Variants in CECR2 observed in about 807,000 individuals in gnomAD.
CECR2 encodes the protein chromatin remodeling regulator CECR2.
Under a neutral mutation model 154.5 loss-of-function variants are expected in CECR2, and 30 were observed. The observed-to-expected ratio is 0.19, with a 90% CI of 0.15 to 0.26. CECR2 has a LOEUF of 0.26. Among genes scored for constraint, CECR2 ranks in the 10% least tolerant of loss-of-function variants. The probability of loss-of-function intolerance (pLI) is 1.00; values close to 1 mark genes in which losing one functional copy is unlikely to be tolerated. For missense variants in CECR2, 1,743 were observed against 1,829.3 expected, an observed-to-expected ratio of 0.95 and a Z score of 0.86; for synonymous variants, 725 against 683.7, an observed-to-expected ratio of 1.06 and a Z score of -0.94.
At chr22:17,405,804 TAAATAA>T (rs1405323235) in intron 1 of CECR2, among the ~76,000 whole-genome samples, 2 of 152,180 alleles carry the variant, frequency 1.3e-5, no homozygotes, top group African/African-American at 4.8e-5. Flanking sequence ...ATGTTGTCTG[TAAATAA>T]AAATAGTTTT....
intron 1 of CECR2, among the ~76,000 whole-genome samples, chr22:17,467,438 ACTTCCCGAGCAG>A: frequency 6.6e-6 from 1 of 152,284 alleles, no homozygotes; most frequent in South Asian, 2.1e-4. Context: ...TCCAGTGCTT[ACTTCCCGAGCAG>A]ATTCCTCAAT....
At chr22:17,459,716 G>A (rs1466504570) in intron 1 of CECR2, among the ~76,000 whole-genome samples, 3 of 152,308 alleles carry the variant, frequency 2.0e-5, no homozygotes, top group African/African-American at 7.2e-5. Context: ...TAGCCACTTT[G>A]CAAACTCCTG....
intron 16 of CECR2, among the ~76,000 whole-genome samples, chr22:17,546,564 C>T (rs955504039): frequency 4.6e-5 from 7 of 150,910 alleles, no homozygotes; most frequent in Non-Finnish European, 1.0e-4. Flanking sequence ...ATGAAAAGTA[C>T]GGTTTTTCAC....
chr22:17,538,878 G>C, intron 12 of CECR2, 115 bp from the exon 13 acceptor site: 1 of 1,372,802 alleles, frequency 7.3e-7, no homozygotes, highest in Non-Finnish European at 1.0e-6. Context: ...CGTTTTATCT[G>C]TTATTCATTA....
At chr22:17,365,646 A>G (rs1253450827), upstream of CECR2, among the ~76,000 whole-genome samples, 1 of 152,146 alleles carries the variant, frequency 6.6e-6, no homozygotes, top group African/African-American at 2.4e-5. Context: ...CAGTGAGCCA[A>G]GATGGCACCA....
intron 8 of CECR2, among the ~76,000 whole-genome samples, chr22:17,512,383 A>G (rs1480466932): frequency 6.6e-6 from 1 of 152,016 alleles, no homozygotes; most frequent in Non-Finnish European, 1.5e-5. Context: ...ATATAAAATG[A>G]TATAAATATA....
rs184099234 is a variant in CECR2 at position 17,533,802 on chromosome 22, C to T, written c.1109-3301C>T. ...TGTGATCTCGGCTCACCGCAACCTC[C>T]GCCTCTGGGGTTCAAGCAATTCTCC... On this transcript the variant is annotated intron_variant, in intron 9 of 18. Coordinates refer to ENST00000262608, the MANE Select transcript of CECR2 (RefSeq NM_001290047.2). 1.1e-3 allele frequency among the ~76,000 whole-genome samples: 171 copies of T among 150,576 alleles called. 3 individuals carry two copies. Among genetic ancestry groups the T allele is most frequent in the African/African-American group, 4.0e-3 (163 of 41,008 alleles).
intron 8 of CECR2, among the ~76,000 whole-genome samples, chr22:17,513,212 C>T (rs2055991101): frequency 6.6e-6 from 1 of 152,180 alleles, no homozygotes; most frequent in Non-Finnish European, 1.5e-5. Flanking sequence ...ATTACTTTAT[C>T]ACATCACATC....
At chr22:17,509,793 T>C (rs938434078) in intron 7 of CECR2, among the ~76,000 whole-genome samples, 1 of 152,136 alleles carries the variant, frequency 6.6e-6, no homozygotes, top group African/African-American at 2.4e-5. Context: ...GAAACCTTGA[T>C]AGAAAACTAA....
intron 14 of CECR2, 68 bp downstream of exon 14, chr22:17,540,868 T>A: frequency 6.9e-7 from 1 of 1,449,694 alleles, no homozygotes; most frequent in Non-Finnish European, 9.2e-7. Context: ...GTAGAGGCCA[T>A]TCAGTTAGTA....
rs11387639 is a variant in CECR2 at position 17,505,534 on chromosome 22, C to CTTTTTTTTTTTTTTTT, written c.870+526_870+541dup. Among the ~76,000 whole-genome samples, 3 of 98,838 alleles carry CTTTTTTTTTTTTTTTT rather than the reference C, an allele frequency of 3.0e-5. 1 individual carries two copies. Among genetic ancestry groups the CTTTTTTTTTTTTTTTT allele is most frequent in the Admixed American group, 1.2e-4 (1 of 8,132 alleles). 64.8% of individuals were successfully genotyped at this position (98,838 alleles called of 152,430 possible). Reference sequence around the variant, plus strand: ...TCAAACATCCTTCATCCTCTTTTTCCTTTTTTTTTTTTTTTTTTTTTTTGA... The same window carrying CTTTTTTTTTTTTTTTT: ...TCAAACATCCTTCATCCTCTTTTTCCTTTTTTTTTTTTTTTTTTTTTTTTTTTTTTTTTTTTTTTGA... On this transcript the variant is annotated intron_variant, in intron 7 of 18. Transcript: ENST00000262608.
At chr22:17,456,886 TAAAA>T (rs1002256534) in intron 1 of CECR2, among the ~76,000 whole-genome samples, 1 of 152,240 alleles carries the variant, frequency 6.6e-6, no homozygotes, top group Non-Finnish European at 1.5e-5. Flanking sequence ...TCTTCCATAT[TAAAA>T]AGAAAGATGA....
intron 7 of CECR2, among the ~76,000 whole-genome samples, chr22:17,511,214 C>T (rs2055945086): frequency 6.6e-6 from 1 of 152,212 alleles, no homozygotes; most frequent in African/African-American, 2.4e-5. Context: ...CCTTGGCCTT[C>T]AAAAGTAGTA....
At chr22:17,480,594 A>T (rs2055292743) in intron 2 of CECR2, among the ~76,000 whole-genome samples, 1 of 152,178 alleles carries the variant, frequency 6.6e-6, no homozygotes, top group African/African-American at 2.4e-5. Flanking sequence ...GAATTGCCTA[A>T]AATGATGGTT....
At chr22:17,413,277 C>T (rs570842433) in intron 1 of CECR2, among the ~76,000 whole-genome samples, 2 of 152,176 alleles carry the variant, frequency 1.3e-5, no homozygotes, top group Non-Finnish European at 2.9e-5. Flanking sequence ...GAAAACAGGG[C>T]ACTGACAGCA....
At chr22:17,399,416 ATTTTTTTT>A in intron 1 of CECR2, among the ~76,000 whole-genome samples, 1 of 126,378 alleles carries the variant, frequency 7.9e-6, no homozygotes, top group Non-Finnish European at 1.7e-5. Flanking sequence ...AGTAATGGTG[ATTTTTTTT>A]TTTTTTTTTT....
intron 1 of CECR2, among the ~76,000 whole-genome samples, chr22:17,457,444 C>T (rs899979877): frequency 2.0e-5 from 3 of 152,102 alleles, no homozygotes; most frequent in Non-Finnish European, 4.4e-5. Flanking sequence ...TTCATAATAC[C>T]TTTCGTTAAT....
intron 1 of CECR2, among the ~76,000 whole-genome samples, chr22:17,404,028 G>A (rs1490213545): frequency 6.7e-6 from 1 of 150,242 alleles, no homozygotes; most frequent in Non-Finnish European, 1.5e-5. Context: ...GGGAGATGGA[G>A]TCAGGAGGAT....
intron 1 of CECR2, among the ~76,000 whole-genome samples, chr22:17,385,776 C>A (rs535617753): frequency 6.6e-6 from 1 of 152,162 alleles, no homozygotes; most frequent in South Asian, 2.1e-4. Context: ...AATATCTGCA[C>A]GTTCAGTAAA....
Sources: gnomAD v4.1 joint callset for allele counts (sites outside exome capture counted in the v4.1 genomes callset) on GRCh38, gnomAD v4.1.1 for gene constraint, MANE v1.5 for transcripts, NCBI Gene and HGNC (gene_info 2026-07-23, HGNC 2026-07-21) for gene names.